The following KCNMA1 variants were observed in gnomAD, a reference collection of about 807,000 sequenced individuals.
The protein encoded by KCNMA1 is Calcium-activated potassium channel subunit alpha-1.
In KCNMA1, 29 loss-of-function variants were observed where a neutral mutation model predicts 140.0. The observed-to-expected ratio is 0.21, with a 90% CI of 0.15 to 0.28. KCNMA1 has a LOEUF of 0.28. Ranked by LOEUF, KCNMA1 falls within the 10% of genes least tolerant of loss-of-function variation. KCNMA1 has a pLI of 1.00. For synonymous variants in KCNMA1, 612 were observed against 611.9 expected, an observed-to-expected ratio of 1.00 and a Z score of 0.00; for missense variants, 880 against 1,602.2, an observed-to-expected ratio of 0.55 and a Z score of 7.70.
chr10:77,087,129 C>T (rs1388917354), intron 10 of KCNMA1, among the ~76,000 whole-genome samples: 1 of 152,178 alleles, frequency 6.6e-6, no homozygotes. Context: ...TGCTTCTTTC[C>T]TGCCGGCTTG....
At chr10:77,571,013 G>A (rs943826312) in intron 1 of KCNMA1, among the ~76,000 whole-genome samples, 1 of 151,920 alleles carries the variant, frequency 6.6e-6, no homozygotes, top group African/African-American at 2.4e-5. Flanking sequence ...TTACACAAAT[G>A]TGTGCCAATT....
chr10:77,577,283 T>C (rs1467265215), intron 1 of KCNMA1, among the ~76,000 whole-genome samples: 1 of 151,798 alleles, frequency 6.6e-6, no homozygotes, highest in Non-Finnish European at 1.5e-5. Context: ...CTCCTGACCT[T>C]GTGATCCACT....
chr10:77,295,712 C>T (rs111864476), intron 2 of KCNMA1, among the ~76,000 whole-genome samples: 2,349 of 130,664 alleles, frequency 0.018, 66 homozygotes, highest in African/African-American at 0.061. Context: ...ACCCGGGAGG[C>T]GGAGCTTGCA....
chr10:77,226,122 G>A (rs1286323834), intron 3 of KCNMA1, among the ~76,000 whole-genome samples: 1 of 152,140 alleles, frequency 6.6e-6, no homozygotes, highest in Non-Finnish European at 1.5e-5. Context: ...CTTTTGAAAT[G>A]CCAAATAATA....
At chr10:77,209,603 CAT>C (rs1386826234) in intron 3 of KCNMA1, among the ~76,000 whole-genome samples, 1 of 152,034 alleles carries the variant, frequency 6.6e-6, no homozygotes, top group African/African-American at 2.4e-5. Context: ...TTTCATATAA[CAT>C]ATCAAAGAAA....
At chr10:77,024,753 A>G (rs1014011920) in intron 16 of KCNMA1, among the ~76,000 whole-genome samples, 5 of 152,186 alleles carry the variant, frequency 3.3e-5, no homozygotes, top group Admixed American at 1.3e-4. Context: ...ATCAAGTGTG[A>G]TAATCTGGCA....
intron 1 of KCNMA1, among the ~76,000 whole-genome samples, chr10:77,439,636 A>C (rs1358573857): frequency 6.6e-6 from 1 of 152,202 alleles, no homozygotes; most frequent in African/African-American, 2.4e-5. Context: ...GGGCTCTCTG[A>C]AAGTGGCCAG....
rs760085928 is a variant in KCNMA1, at chr10:77,184,912, T to C, written c.607A>G (p.Ile203Val). ...VIYFIDSSNP[I>V]ESCQNFYKDF... ...TTGTAGAAATTCTGGCAGGATTCTATTGGGCTATTAGACAGGAAGAAGAAA... is the reference window on the plus strand; with the variant it reads ...TTGTAGAAATTCTGGCAGGATTCTACTGGGCTATTAGACAGGAAGAAGAAA... Residue 203 changes from isoleucine to valine, a missense_variant, in exon 4 of 28, where the codon ATA becomes GTA. Ile to Val is a conservative substitution (Grantham distance 29). Transcript: ENST00000286628. The C allele has an allele frequency of 2.5e-6, 4 of 1,597,790 alleles. No homozygotes were observed. The highest frequency in any genetic ancestry group is 1.7e-5 in the Admixed American group (1 of 59,990).
At chr10:77,356,074 C>T (rs1023577974) in intron 2 of KCNMA1, among the ~76,000 whole-genome samples, 5 of 152,160 alleles carry the variant, frequency 3.3e-5, no homozygotes, top group Admixed American at 1.3e-4. Flanking sequence ...AGGCATATTA[C>T]TCATTCTTTT....
At chr10:77,133,208 G>A (rs1339709125) in intron 5 of KCNMA1, among the ~76,000 whole-genome samples, 5 of 145,586 alleles carry the variant, frequency 3.4e-5, no homozygotes, top group Admixed American at 6.8e-5. Flanking sequence ...CCCATCCAAT[G>A]AAAAGAAAAA....
intron 1 of KCNMA1, among the ~76,000 whole-genome samples, chr10:77,458,244 TC>T (rs1047361748): frequency 3.9e-5 from 6 of 152,198 alleles, no homozygotes; most frequent in Non-Finnish European, 5.9e-5. Flanking sequence ...GAGGGCACCT[TC>T]CCTCCTCACT....
chr10:77,312,905 T>C (rs2061623809), intron 2 of KCNMA1, among the ~76,000 whole-genome samples: 1 of 152,174 alleles, frequency 6.6e-6, no homozygotes, highest in African/African-American at 2.4e-5. Flanking sequence ...TTCTGGAGTA[T>C]ACAATCTTGC....
In KCNMA1 at chr10:77,218,276, C is replaced by T. The variant is rs540270511; in HGVS notation, c.602+32919G>A. On this transcript the variant is annotated intron_variant, in intron 3 of 27. Transcript: ENST00000286628. ...ATAGCCAAAGGTTACAAAATGGCCACCCATACAGGCCATTTAAACCATTTA... is the reference window on the plus strand; with the variant it reads ...ATAGCCAAAGGTTACAAAATGGCCATCCATACAGGCCATTTAAACCATTTA... 2.0e-5 allele frequency among the ~76,000 whole-genome samples: 3 copies of T among 152,280 alleles called. No individual in the cohort carries two copies. The South Asian group carries it at 6.2e-4, about 32-fold the overall frequency.
chr10:77,076,231 C>T (rs1288670284), intron 13 of KCNMA1, among the ~76,000 whole-genome samples: 2 of 152,150 alleles, frequency 1.3e-5, no homozygotes, highest in South Asian at 2.1e-4. Flanking sequence ...TGGGACTTGG[C>T]TTCCAGAGAT....
intron 3 of KCNMA1, among the ~76,000 whole-genome samples, chr10:77,185,464 G>A (rs1356995569): frequency 6.6e-6 from 1 of 152,088 alleles, no homozygotes; most frequent in Non-Finnish European, 1.5e-5. Context: ...GAGAGGAGAG[G>A]ATCCTGGGTG....
chr10:77,496,581 A>G (rs1603629733), intron 1 of KCNMA1, among the ~76,000 whole-genome samples: 1 of 129,606 alleles, frequency 7.7e-6, no homozygotes, highest in East Asian at 2.9e-4. Flanking sequence ...TGGGTGACAG[A>G]GCGAGACACT....
chr10:77,045,258 G>A (rs2094974055), intron 14 of KCNMA1, among the ~76,000 whole-genome samples: 1 of 152,200 alleles, frequency 6.6e-6, no homozygotes, highest in African/African-American at 2.4e-5. Context: ...AGGGAAAGGT[G>A]CCAGAATTAA....
intron 2 of KCNMA1, among the ~76,000 whole-genome samples, chr10:77,283,136 A>C (rs1054580613): frequency 1.3e-5 from 2 of 152,196 alleles, no homozygotes; most frequent in African/African-American, 4.8e-5. Flanking sequence ...GCAACAGATG[A>C]GTTAAAGGAG....
rs1195827672 is a variant in KCNMA1 at position 77,251,192 on chromosome 10, C to T, written c.602+3G>A. ...GGGCAAGAAAGTATATTTGAATACT[C>T]ACTTTGATGAATCTATGAAGTATAT... On this transcript the variant is annotated splice_donor_region_variant and intron_variant, in intron 3 of 27. Coordinates refer to ENST00000286628, the MANE Select transcript of KCNMA1 (RefSeq NM_001161352.2). 1.3e-6 allele frequency: 2 copies of T among 1,598,616 alleles called. No homozygotes were observed.
Sources: allele counts gnomAD v4.1 joint callset (sites outside exome capture counted in the v4.1 genomes callset), GRCh38; gene constraint gnomAD v4.1.1; transcripts MANE v1.5; gene names NCBI Gene and HGNC (gene_info 2026-07-23, HGNC 2026-07-21).